Variants in AFF3 observed in about 807,000 individuals in gnomAD.
AFF3 encodes the protein AF4/FMR2 family member 3.
A neutral mutation model predicts 129.7 loss-of-function variants in AFF3; 32 were observed. That is an observed-to-expected ratio of 0.25 (90% CI 0.19 to 0.33). The LOEUF is 0.33. AFF3 is among the 10% of genes least tolerant of loss of function. The pLI is 1.00. For synonymous variants in AFF3, 644 were observed against 635.4 expected (o/e 1.01, Z -0.20); for missense variants, 1,373 against 1,592.0 (o/e 0.86, Z 2.34).
intron 8 of AFF3, among the ~76,000 whole-genome samples, chr2:99,814,063 A>T (rs1165245556): frequency 6.6e-6 from 1 of 152,004 alleles, no homozygotes; most frequent in Non-Finnish European, 1.5e-5. Flanking sequence ...CTCAATACCC[A>T]CCTGAGGGTC....
At chr2:99,726,179 C>A (rs1679346314) in intron 11 of AFF3, among the ~76,000 whole-genome samples, 1 of 152,148 alleles carries the variant, frequency 6.6e-6, no homozygotes. Flanking sequence ...ATGAAATACA[C>A]AGCTCTCCTA....
At chr2:100,031,170 T>C (rs1684458019) in intron 4 of AFF3, among the ~76,000 whole-genome samples, 1 of 152,212 alleles carries the variant, frequency 6.6e-6, no homozygotes, top group African/African-American at 2.4e-5. Flanking sequence ...TATCATACTC[T>C]AGTTGATAAA....
At chr2:99,836,415 T>C (rs1306287890) in intron 8 of AFF3, among the ~76,000 whole-genome samples, 4 of 152,190 alleles carry the variant, frequency 2.6e-5, no homozygotes, top group African/African-American at 9.7e-5. Context: ...AACATATACT[T>C]ATATACCAGA....
chr2:99,706,436 C>G (rs534664965), intron 11 of AFF3, among the ~76,000 whole-genome samples: 1 of 152,338 alleles, frequency 6.6e-6, no homozygotes, highest in African/African-American at 2.4e-5. Flanking sequence ...TTCCCTGTGG[C>G]TTCTCAGCGG....
At chr2:99,711,239 T>C (rs759112295) in intron 11 of AFF3, among the ~76,000 whole-genome samples, 12 of 152,200 alleles carry the variant, frequency 7.9e-5, no homozygotes, top group African/African-American at 1.7e-4. Flanking sequence ...CAAGAGGATC[T>C]GGAGCAGGCG....
intron 4 of AFF3, among the ~76,000 whole-genome samples, chr2:100,043,598 TA>T (rs201632593): frequency 0.023 from 3,449 of 151,654 alleles, 125 homozygotes; most frequent in African/African-American, 0.077. Flanking sequence ...TAGCTGCATT[TA>T]AAAAAAAAGT....
intron 7 of AFF3, among the ~76,000 whole-genome samples, chr2:99,937,819 T>C (rs1576386510): frequency 1.3e-5 from 2 of 152,160 alleles, no homozygotes; most frequent in South Asian, 2.1e-4. Flanking sequence ...GTGGTTATAA[T>C]TGGGAAGAAT....
chr2:99,880,672 T>A (rs915500097), intron 7 of AFF3, among the ~76,000 whole-genome samples: 1 of 151,900 alleles, frequency 6.6e-6, no homozygotes, highest in African/African-American at 2.4e-5. Context: ...GCCCACTGAG[T>A]AGCTGGGAAA....
chr2:99,926,351 C>T (rs971613002), intron 7 of AFF3, among the ~76,000 whole-genome samples: 1 of 152,156 alleles, frequency 6.6e-6, no homozygotes, highest in Admixed American at 6.5e-5. Flanking sequence ...AGTGGAAGCC[C>T]GGGGCCTGTT....
At chr2:99,889,213 C>T (rs1308477957) in intron 7 of AFF3, among the ~76,000 whole-genome samples, 4 of 152,036 alleles carry the variant, frequency 2.6e-5, no homozygotes, top group African/African-American at 4.8e-5. Flanking sequence ...GATCATAGCT[C>T]ACTGCAGCCT....
At position 100,006,729 on chromosome 2, in the gene AFF3, A is replaced by G; in HGVS notation, c.776T>C (p.Val259Ala). 1 of 1,614,212 alleles carries G rather than the reference A, an allele frequency of 6.2e-7. No homozygotes were observed. Among genetic ancestry groups the G allele is most frequent in the South Asian group, 1.1e-5 (1 of 91,090 alleles). Residue 259 changes from valine to alanine, a missense_variant, in exon 7 of 25, where the codon GTG becomes GCG. Physicochemically the swap from Val to Ala is moderately conservative, Grantham distance 64. Coordinates refer to ENST00000672756, the MANE Select transcript of AFF3 (RefSeq NM_001386135.1). ...PKLKSSSETSVHCTSYRGVPA... is the reference protein window; with the variant it reads ...PKLKSSSETSAHCTSYRGVPA... ...GACTCCCCTGTATGATGTGCAGTGCACGCTGGTTTCCGAAGACGACTTCAG... is the reference window on the plus strand; with the variant it reads ...GACTCCCCTGTATGATGTGCAGTGCGCGCTGGTTTCCGAAGACGACTTCAG...
intron 12 of AFF3, among the ~76,000 whole-genome samples, chr2:99,670,116 C>G (rs1189687574): frequency 6.6e-6 from 1 of 152,128 alleles, no homozygotes; most frequent in East Asian, 1.9e-4. Context: ...AACTAAGTAG[C>G]AGAGTGGGGA....
intron 7 of AFF3, among the ~76,000 whole-genome samples, chr2:99,875,582 A>G (rs1450579734): frequency 6.6e-6 from 1 of 152,122 alleles, no homozygotes; most frequent in Non-Finnish European, 1.5e-5. Flanking sequence ...GAATGAATGA[A>G]CAGATGTCCC....
At chr2:99,952,299 CT>C (rs1275894572) in intron 7 of AFF3, among the ~76,000 whole-genome samples, 1 of 152,174 alleles carries the variant, frequency 6.6e-6, no homozygotes, top group Admixed American at 6.5e-5. Context: ...TCAGCTTCCC[CT>C]TTGCCTTCCA....
chr2:99,591,472 C>T (rs894235729), intron 15 of AFF3, among the ~76,000 whole-genome samples: 2 of 152,208 alleles, frequency 1.3e-5, no homozygotes, highest in South Asian at 4.1e-4. Flanking sequence ...GAGGCTTGAG[C>T]CACCGTACCC....
At chr2:99,804,880 T>C (rs1242508233) in intron 8 of AFF3, among the ~76,000 whole-genome samples, 3 of 152,006 alleles carry the variant, frequency 2.0e-5, no homozygotes, top group African/African-American at 7.3e-5. Context: ...AGGTAAGCTA[T>C]GGATATGCAA....
intron 8 of AFF3, among the ~76,000 whole-genome samples, chr2:99,811,014 TC>T (rs2105587560): frequency 6.6e-6 from 1 of 152,264 alleles, no homozygotes; most frequent in Non-Finnish European, 1.5e-5. Context: ...CAGGATAACC[TC>T]CCCAACTCAA....
intron 5 of AFF3, among the ~76,000 whole-genome samples, chr2:100,008,227 T>C (rs1002562529): frequency 2.0e-5 from 3 of 152,164 alleles, no homozygotes; most frequent in Admixed American, 1.3e-4. Flanking sequence ...GATGTCAATG[T>C]GAAGCTTAAA....
intron 4 of AFF3, among the ~76,000 whole-genome samples, chr2:100,013,606 T>C (rs1682738396): frequency 6.6e-6 from 1 of 152,148 alleles, no homozygotes; most frequent in Non-Finnish European, 1.5e-5. Context: ...CCCTGATGTC[T>C]GACAAGCCCA....
Sources: gnomAD v4.1 joint callset for allele counts (sites outside exome capture counted in the v4.1 genomes callset) on GRCh38, gnomAD v4.1.1 for gene constraint, MANE v1.5 for transcripts, NCBI Gene and HGNC (gene_info 2026-07-23, HGNC 2026-07-21) for gene names.